Variants in ELMO1 observed in about 807,000 individuals in gnomAD.
ELMO1 encodes the protein engulfment and cell motility 1.
A neutral mutation model predicts 98.9 loss-of-function variants in ELMO1; 26 were observed. The ratio of observed to expected loss-of-function variants is 0.26; its 90% confidence interval spans 0.19 to 0.36. The LOEUF is 0.36. Ranked by LOEUF, ELMO1 falls within the 10% of genes least tolerant of loss-of-function variation. The pLI, the probability that ELMO1 is intolerant of heterozygous loss-of-function variation, is 1.00. For missense variants in ELMO1, 627 were observed against 935.2 expected (o/e 0.67, Z 4.30); for synonymous variants, 346 against 346.0 (o/e 1.00, Z 0.00).
At chr7:37,004,836 C>A (rs552098605) in intron 16 of ELMO1, among the ~76,000 whole-genome samples, 1 of 151,978 alleles carries the variant, frequency 6.6e-6, no homozygotes, top group Non-Finnish European at 1.5e-5. Flanking sequence ...ATGGGCCGGG[C>A]GCGGTGGCTC....
At chr7:37,034,972 G>T (rs1369968171) in intron 15 of ELMO1, among the ~76,000 whole-genome samples, 2 of 152,160 alleles carry the variant, frequency 1.3e-5, no homozygotes, top group Non-Finnish European at 2.9e-5. Context: ...TATAGATAAA[G>T]GCAGCCCTGA....
intron 16 of ELMO1, among the ~76,000 whole-genome samples, chr7:36,947,398 A>G (rs1787586722): frequency 6.6e-6 from 1 of 152,126 alleles, no homozygotes; most frequent in Admixed American, 6.5e-5. Context: ...TTGCCCACCA[A>G]TAAATCATCC....
At chr7:37,036,681 G>A (rs944120550) in intron 15 of ELMO1, among the ~76,000 whole-genome samples, 1 of 152,092 alleles carries the variant, frequency 6.6e-6, no homozygotes. Flanking sequence ...GCCCGGCCTA[G>A]GATTGTTATA....
intron 15 of ELMO1, among the ~76,000 whole-genome samples, chr7:37,029,369 T>C (rs1253116727): frequency 2.6e-5 from 4 of 151,932 alleles, no homozygotes; most frequent in African/African-American, 7.3e-5. Flanking sequence ...TTATATCAGT[T>C]TGAATCATTA....
At chr7:37,074,616 G>GC (rs1328258511) in intron 15 of ELMO1, among the ~76,000 whole-genome samples, 1 of 152,168 alleles carries the variant, frequency 6.6e-6, no homozygotes, top group Non-Finnish European at 1.5e-5. Context: ...CACAGTAGGT[G>GC]CCCCACAGAA....
At chr7:36,956,458 GAAGT>G (rs1788451851) in intron 16 of ELMO1, among the ~76,000 whole-genome samples, 1 of 152,044 alleles carries the variant, frequency 6.6e-6, no homozygotes, top group Non-Finnish European at 1.5e-5. Flanking sequence ...CTACATCCAA[GAAGT>G]AATTTCAGAC....
intron 14 of ELMO1, among the ~76,000 whole-genome samples, chr7:37,114,231 G>C (rs1365365943): frequency 6.6e-6 from 1 of 152,240 alleles, no homozygotes; most frequent in African/African-American, 2.4e-5. Context: ...AGACAGAAAA[G>C]ATGAGCAAGT....
chr7:37,013,320 T>G lies in ELMO1; in HGVS notation c.1416A>C (p.Ala472=). The change falls in exon 16 of 22, where the codon GCA becomes GCC. Residue 472 remains alanine (A), a synonymous_variant. Transcript: ENST00000310758. The part of the protein sequence containing the change: ...LLNKTWKEMR[A]TSEDFNKVMQ... The stretch of plus-strand genomic sequence containing the variant: ...TTACCTTGTTGAAGTCTTCAGAAGT[T>G]GCCCTCATTTCCTTCCATGTCTTGT... 1.2e-6 allele frequency: 2 copies of G among 1,614,142 alleles called. No homozygotes were observed. Among genetic ancestry groups the G allele is most frequent in the Non-Finnish European group, 8.5e-7 (1 of 1,180,000 alleles).
chr7:37,022,557 CTAAAA>C (rs1478357486), intron 15 of ELMO1, among the ~76,000 whole-genome samples: 2 of 152,084 alleles, frequency 1.3e-5, no homozygotes, highest in African/African-American at 2.4e-5. Flanking sequence ...ACCAGAAGGG[CTAAAA>C]TAAAAGATGG....
At chr7:37,007,824 C>T (rs1793250859) in intron 16 of ELMO1, among the ~76,000 whole-genome samples, 2 of 152,106 alleles carry the variant, frequency 1.3e-5, no homozygotes, top group Non-Finnish European at 2.9e-5. Context: ...CAGGATGTTT[C>T]CTTCTGTCCT....
intron 1 of ELMO1, among the ~76,000 whole-genome samples, chr7:37,355,758 G>A (rs1019275100): frequency 6.6e-6 from 1 of 152,232 alleles, no homozygotes; most frequent in African/African-American, 2.4e-5. Context: ...GAACACAAAG[G>A]TGACCAGGAC....
At chr7:37,118,698 A>G (rs1486147351) in intron 14 of ELMO1, among the ~76,000 whole-genome samples, 1 of 152,176 alleles carries the variant, frequency 6.6e-6, no homozygotes, top group Non-Finnish European at 1.5e-5. Context: ...ATCATCATCA[A>G]CGGGCACTAA....
At chr7:37,448,347 C>T (rs1207144493) in intron 1 of ELMO1, among the ~76,000 whole-genome samples, 1 of 151,592 alleles carries the variant, frequency 6.6e-6, no homozygotes, top group Non-Finnish European at 1.5e-5. Context: ...CGGCGGGCTC[C>T]CGGGCCCCGG....
At chr7:37,322,681 T>G (rs1799583517) in intron 2 of ELMO1, among the ~76,000 whole-genome samples, 1 of 150,574 alleles carries the variant, frequency 6.6e-6, no homozygotes, top group South Asian at 2.1e-4. Flanking sequence ...CGTGTGCCTA[T>G]AGTAACAGCT....
chr7:37,247,083 A>G (rs1252731075), intron 6 of ELMO1, among the ~76,000 whole-genome samples: 2 of 152,218 alleles, frequency 1.3e-5, no homozygotes, highest in Non-Finnish European at 2.9e-5. Flanking sequence ...TTATTTTAAC[A>G]CATATTTGTA....
At chr7:37,090,199 T>A (rs1784002902) in intron 15 of ELMO1, among the ~76,000 whole-genome samples, 1 of 152,222 alleles carries the variant, frequency 6.6e-6, no homozygotes, top group Admixed American at 6.5e-5. Context: ...TACACAACTC[T>A]GGACTTATGC....
At chr7:37,227,224 G>A (rs1298260154) in intron 8 of ELMO1, among the ~76,000 whole-genome samples, 2 of 152,058 alleles carry the variant, frequency 1.3e-5, no homozygotes, top group African/African-American at 4.8e-5. Flanking sequence ...CTAACTCATT[G>A]CTGGGTTACT....
chr7:37,188,499 AAAAAT>A (rs1791374490), intron 13 of ELMO1, among the ~76,000 whole-genome samples: 3 of 55,226 alleles, frequency 5.4e-5, no homozygotes, highest in African/African-American at 1.4e-4. Flanking sequence ...AAAAAAAAAA[AAAAAT>A]AATAATAATA....
intron 16 of ELMO1, among the ~76,000 whole-genome samples, chr7:36,952,558 C>G (rs1788058238): frequency 6.6e-6 from 1 of 152,118 alleles, no homozygotes; most frequent in African/African-American, 2.4e-5. Context: ...TTCTGAGGCT[C>G]CCAGGTAAAA....
Sources: gnomAD v4.1 joint callset for allele counts (sites outside exome capture counted in the v4.1 genomes callset) on GRCh38, gnomAD v4.1.1 for gene constraint, MANE v1.5 for transcripts, NCBI Gene and HGNC (gene_info 2026-07-23, HGNC 2026-07-21) for gene names.